Variants in ASAP3 observed in about 807,000 individuals in gnomAD.
ASAP3 encodes the protein ArfGAP with SH3 domain, ankyrin repeat and PH domain 3, also known as arf-GAP with SH3 domain, ANK repeat and PH domain-containing protein 3.
In ASAP3, 85 loss-of-function variants were observed where a neutral mutation model predicts 118.2. The ratio of observed to expected loss-of-function variants is 0.72; its 90% CI spans 0.60 to 0.86. The LOEUF is 0.86. Ranked by LOEUF, ASAP3 falls within the 40% of genes least tolerant of loss-of-function variation. The pLI, the probability that ASAP3 is intolerant of heterozygous loss-of-function variation, is 0.00. For missense variants in ASAP3, 1,026 were observed against 1,175.0 expected (o/e 0.87, Z 1.85); for synonymous variants, 432 against 477.4 (o/e 0.90, Z 1.24).
intron 1 of ASAP3, among the ~76,000 whole-genome samples, chr1:23,460,333 C>G (rs1421885259): frequency 1.3e-5 from 2 of 151,898 alleles, no homozygotes; most frequent in African/African-American, 4.8e-5. Context: ...ATGGTGAAAC[C>G]CTGTCTCTAC....
intron 1 of ASAP3, among the ~76,000 whole-genome samples, chr1:23,469,918 A>G (rs566017922): frequency 1.1e-4 from 17 of 152,282 alleles, no homozygotes; most frequent in African/African-American, 3.9e-4. Flanking sequence ...TCTGAGCCCC[A>G]GTTATCTCTG....
At chr1:23,457,808 C>T (rs1381898053) in intron 1 of ASAP3, among the ~76,000 whole-genome samples, 1 of 152,174 alleles carries the variant, frequency 6.6e-6, no homozygotes, top group Admixed American at 6.5e-5. Context: ...CCACCGTGCC[C>T]GGGCACAAGT....
chr1:23,443,799 C>T (rs1005443825), intron 5 of ASAP3, among the ~76,000 whole-genome samples: 6 of 151,930 alleles, frequency 3.9e-5, no homozygotes, highest in Non-Finnish European at 7.4e-5. Context: ...TGGCTCACTG[C>T]AACCTCGGCC....
At chr1:23,470,848 T>C (rs539760560) in intron 1 of ASAP3, among the ~76,000 whole-genome samples, 1 of 152,324 alleles carries the variant, frequency 6.6e-6, no homozygotes, top group East Asian at 1.9e-4. Flanking sequence ...CCTCGATGTA[T>C]GCTGAGGCCT....
At chr1:23,454,308 T>A (rs894890561) in intron 3 of ASAP3, among the ~76,000 whole-genome samples, 1 of 151,524 alleles carries the variant, frequency 6.6e-6, no homozygotes, top group Non-Finnish European at 1.5e-5. Flanking sequence ...TGCCTCAGCC[T>A]CCTGAGTAGC....
In ASAP3 at chr1:23,472,980, G is replaced by A. The variant is rs377302621; in HGVS notation, c.129+11025C>T. Among the ~76,000 whole-genome samples, 4 of 152,176 alleles carry A rather than the reference G, an allele frequency of 2.6e-5. No homozygotes were observed. The East Asian group carries it at 7.7e-4, about 29-fold the overall frequency. On this transcript the variant is annotated intron_variant, in intron 1 of 24. Coordinates refer to ENST00000336689, the MANE Select transcript of ASAP3 (RefSeq NM_017707.4). ...GTCTGACTTTAGTTACTGGACTCTC[G>A]CCACAGACCTCAGCCACATCCCTGT... is the stretch of plus-strand genomic sequence containing the variant.
At position 23,438,632 on chromosome 1, in the gene ASAP3, A is replaced by G; in HGVS notation, c.1102+115T>C. Reference sequence around the variant, plus strand: ...TTATGTCTGCAGTAGCAGCAATTCGACACCATGTGTGGAACTGGACACAGA... The same window carrying G: ...TTATGTCTGCAGTAGCAGCAATTCGGCACCATGTGTGGAACTGGACACAGA... On this transcript the variant is annotated intron_variant, in intron 12 of 24. Coordinates refer to ENST00000336689, the MANE Select transcript of ASAP3 (RefSeq NM_017707.4). The surrounding 1 kb of genome is among the most constrained non-coding windows in gnomAD (Gnocchi z 4.9). The G allele has an allele frequency of 1.2e-6, 1 of 838,500 alleles. No individual in the cohort carries two copies. Among genetic ancestry groups the G allele is most frequent in the Admixed American group, 2.4e-5 (1 of 42,178 alleles). The allele number at this position is 838,500 out of a possible 1,614,324, so 51.9% of individuals were successfully genotyped here.
intron 4 of ASAP3, among the ~76,000 whole-genome samples, chr1:23,451,784 G>A (rs1420933287): frequency 1.3e-5 from 2 of 152,180 alleles, no homozygotes; most frequent in African/African-American, 4.8e-5. Context: ...GAATCAGTCA[G>A]GTTTGGTGGG....
At chr1:23,451,845 G>C (rs1641225262) in intron 4 of ASAP3, among the ~76,000 whole-genome samples, 1 of 152,214 alleles carries the variant, frequency 6.6e-6, no homozygotes, top group Non-Finnish European at 1.5e-5. Flanking sequence ...GAGTCCTCTT[G>C]CTCAGAAGAG....
At position 23,434,646 on chromosome 1, in the gene ASAP3, TC is replaced by T. The variant is rs150606584; in HGVS notation, c.1750-29del. On this transcript the variant is annotated intron_variant, in intron 17 of 24. Transcript: ENST00000336689. Reference sequence around the variant, plus strand: ...GAAAACACATCCACACCTCTGAGATTCCCCCCCCAGTGCACCTGCCTCCAAC... The same window carrying T: ...GAAAACACATCCACACCTCTGAGATTCCCCCCCAGTGCACCTGCCTCCAAC... 0.013 allele frequency: 20,942 copies of T among 1,600,960 alleles called. 1,988 individuals are homozygous for T. In the African/African-American group the frequency reaches 0.22, roughly 17 times the overall value.
intron 1 of ASAP3, among the ~76,000 whole-genome samples, chr1:23,476,814 G>T (rs1346065442): frequency 6.6e-6 from 1 of 151,700 alleles, no homozygotes; most frequent in Non-Finnish European, 1.5e-5. Flanking sequence ...TGCCTAAGAG[G>T]TCCCCTCCAT....
chr1:23,456,274 T>C (rs1216442575), intron 1 of ASAP3, 80 bp from the exon 2 acceptor site: 14 of 1,360,140 alleles, frequency 1.0e-5, no homozygotes, highest in Non-Finnish European at 1.4e-5. Context: ...TATCTATGAT[T>C]TCCACCCCCC....
intron 1 of ASAP3, among the ~76,000 whole-genome samples, chr1:23,460,803 A>G (rs1641563131): frequency 1.3e-5 from 2 of 152,218 alleles, no homozygotes; most frequent in Admixed American, 6.5e-5. Flanking sequence ...CAAAATTTGG[A>G]AACAACCAAG....
At chr1:23,460,115 C>G (rs1641522323) in intron 1 of ASAP3, among the ~76,000 whole-genome samples, 1 of 152,156 alleles carries the variant, frequency 6.6e-6, no homozygotes, top group Non-Finnish European at 1.5e-5. Context: ...AATCCTACCT[C>G]AATAAAGTGG....
At chr1:23,456,412 A>T (rs948536060) in intron 1 of ASAP3, among the ~76,000 whole-genome samples, 2 of 152,124 alleles carry the variant, frequency 1.3e-5, no homozygotes, top group African/African-American at 4.8e-5. Context: ...CTCCAAGAAG[A>T]CCACAGACTT....
chr1:23,452,855 T>C (rs1431097874), intron 3 of ASAP3, 84 bp from the exon 4 acceptor site: 2 of 1,347,800 alleles, frequency 1.5e-6, no homozygotes, highest in Non-Finnish European at 2.1e-6. Flanking sequence ...AAGCATCACT[T>C]GGCAAAGAGA....
intron 1 of ASAP3, among the ~76,000 whole-genome samples, chr1:23,464,659 TAAAAAAAAAAAAAAAAA>T (rs57655847): frequency 4.7e-4 from 22 of 47,096 alleles, no homozygotes; most frequent in East Asian, 2.6e-3. Context: ...GACACTGTCT[TAAAAAAAAAAAAAAAAA>T]AAAAAAAAAA....
At chr1:23,453,325 A>C (rs1641283869) in intron 3 of ASAP3, among the ~76,000 whole-genome samples, 1 of 150,024 alleles carries the variant, frequency 6.7e-6, no homozygotes, top group Non-Finnish European at 1.5e-5. Flanking sequence ...CAGAAGTCAG[A>C]TCTGAGCAGG....
chr1:23,478,291 C>T (rs1043032559), intron 1 of ASAP3, among the ~76,000 whole-genome samples: 2 of 152,010 alleles, frequency 1.3e-5, no homozygotes, highest in South Asian at 4.1e-4. Flanking sequence ...ATGGCAAAAC[C>T]CCATCTCTAC....
Sources: gnomAD v4.1 joint callset for allele counts (sites outside exome capture counted in the v4.1 genomes callset) on GRCh38, gnomAD v4.1.1 for gene constraint, Gnocchi (gnomAD v3.1) non-coding constraint, MANE v1.5 for transcripts, NCBI Gene and HGNC (gene_info 2026-07-23, HGNC 2026-07-21) for gene names.